FZD6: variants seen among roughly 807,000 people sequenced by gnomAD.
The protein encoded by FZD6 is frizzled class receptor 6.
FZD6 carries 49 observed loss-of-function variants against 61.4 expected under a neutral mutation model. The observed-to-expected ratio is 0.80, with a 90% confidence interval of 0.63 to 1.01. FZD6 has a LOEUF of 1.01. Among genes scored for constraint, FZD6 ranks in the 50% least tolerant of loss-of-function variants. The probability of loss-of-function intolerance (pLI) is 0.00; values close to 1 mark genes in which losing one functional copy is unlikely to be tolerated. For missense variants in FZD6, 724 were observed against 848.2 expected, an observed-to-expected ratio of 0.85 and a Z score of 1.82; for synonymous variants, 265 against 292.2, an observed-to-expected ratio of 0.91 and a Z score of 0.95.
chr8:103,332,121 C>T lies in FZD6; in HGVS notation c.*612C>T, dbSNP rs1286310749. The T allele has an allele frequency of 6.6e-6, 1 of 152,514 alleles. No homozygotes were observed. Among genetic ancestry groups the T allele is most frequent in the Non-Finnish European group, 1.5e-5 (1 of 68,360 alleles). The allele number at this position is 152,514 out of a possible 1,614,324, so 9.4% of individuals were successfully genotyped here. A position where few individuals can be genotyped will look rare whatever the true frequency, so the allele number is the denominator to read the frequency against. On this transcript the variant is annotated 3_prime_UTR_variant, in exon 7 of 7. Coordinates refer to ENST00000358755, the MANE Select transcript of FZD6 (RefSeq NM_003506.4). ...AAAAACCCACTTATTGATACCTTAC[C>T]ATCTAAAATGTGTGATTTTTATAGT...
intron 2 of FZD6, among the ~76,000 whole-genome samples, chr8:103,313,194 G>T (rs545402911): frequency 6.6e-6 from 1 of 152,138 alleles, no homozygotes; most frequent in East Asian, 1.9e-4. Flanking sequence ...TTGTGATAAA[G>T]GAAAATGGTA....
At chr8:103,314,175 A>G (rs1306311581) in intron 2 of FZD6, among the ~76,000 whole-genome samples, 2 of 152,220 alleles carry the variant, frequency 1.3e-5, no homozygotes, top group Admixed American at 6.5e-5. Context: ...TTGTTTTTGT[A>G]TAGCAAAAGT....
At chr8:103,308,275 A>T (rs1423086568) in intron 2 of FZD6, among the ~76,000 whole-genome samples, 1 of 152,104 alleles carries the variant, frequency 6.6e-6, no homozygotes, top group Non-Finnish European at 1.5e-5. Context: ...ATGCAAAAAA[A>T]ATTTTTTTTG....
At chr8:103,315,277 C>G (rs189082458) in intron 2 of FZD6, among the ~76,000 whole-genome samples, 1 of 152,200 alleles carries the variant, frequency 6.6e-6, no homozygotes, top group East Asian at 1.9e-4. Context: ...AATCCATATC[C>G]TTAATTTAAA....
intron 2 of FZD6, among the ~76,000 whole-genome samples, chr8:103,316,417 G>T (rs1814629089): frequency 6.6e-6 from 1 of 152,176 alleles, no homozygotes. Flanking sequence ...TTGTCACATG[G>T]AGAATTTCTC....
rs748806283 is a variant in FZD6 at position 103,318,715 on chromosome 8, A to G, written c.303A>G (p.Lys101=). Residue 101 remains lysine, a synonymous_variant, in exon 3 of 7, where the codon AAA becomes AAG. Transcript: ENST00000358755. Reference sequence around the variant, plus strand: ...CACCTTGTCGTAAACTTTGTGAGAAAGTATATTCTGATTGCAAAAAATTAA... The same window carrying G: ...CACCTTGTCGTAAACTTTGTGAGAAGGTATATTCTGATTGCAAAAAATTAA... ...VVPPCRKLCE[K]VYSDCKKLID... is the part of the protein sequence containing the mutation. 3.1e-6 allele frequency: 5 copies of G among 1,610,784 alleles called. No homozygotes were observed. The highest frequency in any genetic ancestry group is 1.1e-5 in the South Asian group (1 of 91,008).
intron 3 of FZD6, among the ~76,000 whole-genome samples, chr8:103,322,947 A>C (rs1323906555): frequency 1.1e-4 from 16 of 152,200 alleles, no homozygotes; most frequent in Admixed American, 1.0e-3. Context: ...ATGATTAGTA[A>C]ATTGTGATGT....
Position 103,324,477 on chromosome 8 carries a change from A to T in FZD6, c.375-4A>T. On this transcript the variant is annotated splice_polypyrimidine_tract_variant and splice_region_variant and intron_variant, in intron 3 of 6. Coordinates refer to ENST00000358755, the MANE Select transcript of FZD6 (RefSeq NM_003506.4). ...CATATATTTAATTTTTATAATCTTTACAGATTACAATACTGTGATGAGACT... is the reference window on the plus strand; with the variant it reads ...CATATATTTAATTTTTATAATCTTTTCAGATTACAATACTGTGATGAGACT... 6.6e-7 allele frequency: 1 copy of T among 1,504,712 alleles called. No individual in the cohort carries two copies. Among genetic ancestry groups the T allele is most frequent in the Non-Finnish European group, 9.2e-7 (1 of 1,088,788 alleles). The allele number at this position is 1,504,712 out of a possible 1,614,324, so 93.2% of individuals were successfully genotyped here. A position where few individuals can be genotyped will look rare whatever the true frequency, so the allele number is the denominator to read the frequency against.
At chr8:103,316,007 A>C (rs1814614941) in intron 2 of FZD6, among the ~76,000 whole-genome samples, 1 of 152,180 alleles carries the variant, frequency 6.6e-6, no homozygotes, top group Admixed American at 6.5e-5. Flanking sequence ...CTTTCCTATT[A>C]GGGTAATTGA....
At chr8:103,327,777 A>C (rs779051592) in intron 4 of FZD6, among the ~76,000 whole-genome samples, 16 of 152,066 alleles carry the variant, frequency 1.1e-4, no homozygotes, top group Non-Finnish European at 2.2e-4. Flanking sequence ...AAAAAGTATA[A>C]TTTCAATTCT....
intron 3 of FZD6, among the ~76,000 whole-genome samples, chr8:103,319,585 G>A (rs1484010344): frequency 1.3e-5 from 2 of 152,200 alleles, no homozygotes; most frequent in South Asian, 2.1e-4. Context: ...GTGGATGGGA[G>A]AGAGAAGGTA....
intron 6 of FZD6, 22 bp downstream of exon 6, chr8:103,330,087 AATC>A: frequency 6.3e-7 from 1 of 1,595,672 alleles, no homozygotes; most frequent in Non-Finnish European, 8.6e-7. Flanking sequence ...TTTTATGTAA[AATC>A]ATCACTATTT....
At chr8:103,307,755 C>T (rs1184827165) in intron 2 of FZD6, 1 of 455,414 alleles carries the variant, frequency 2.2e-6, no homozygotes, top group African/African-American at 2.0e-5. Flanking sequence ...TCTTAGGGTA[C>T]CCAGACTGGT....
chr8:103,307,130 A>G, intron 2 of FZD6, among the ~76,000 whole-genome samples: 1 of 152,212 alleles, frequency 6.6e-6, no homozygotes, highest in East Asian at 1.9e-4. Flanking sequence ...AGGCACTGCC[A>G]AGATACTGCC....
At chr8:103,320,184 G>A (rs892762934) in intron 3 of FZD6, among the ~76,000 whole-genome samples, 1 of 152,216 alleles carries the variant, frequency 6.6e-6, no homozygotes, top group African/African-American at 2.4e-5. Context: ...CATAGTAAGA[G>A]TCAAGGAGGT....
rs146157913 is a variant in FZD6, at chr8:103,301,171, G to T, written c.177+887G>T. 3.3e-3 allele frequency among the ~76,000 whole-genome samples: 497 copies of T among 152,200 alleles called. 3 individuals are homozygous for T. Among genetic ancestry groups the T allele is most frequent in the African/African-American group, 0.011 (477 of 41,516 alleles). ...TGATTAGATTTGATTTTGCAGCTTT[G>T]AAAGTTTTCTATTGTTGTTCAGTTG... On this transcript the variant is annotated intron_variant, in intron 2 of 6. Coordinates refer to ENST00000358755, the MANE Select transcript of FZD6 (RefSeq NM_003506.4).
At chr8:103,306,428 C>CT (rs1213336663) in intron 2 of FZD6, among the ~76,000 whole-genome samples, 3 of 149,306 alleles carry the variant, frequency 2.0e-5, no homozygotes. Flanking sequence ...CCAGTGAAGT[C>CT]TAACTGAAAA....
intron 2 of FZD6, among the ~76,000 whole-genome samples, chr8:103,306,659 A>T (rs1227068198): frequency 4.0e-5 from 6 of 151,114 alleles, no homozygotes; most frequent in African/African-American, 1.2e-4. Context: ...CCCGTCACCA[A>T]GCCCGGCTAA....
chr8:103,309,749 A>C (rs1330535236), intron 2 of FZD6, among the ~76,000 whole-genome samples: 1 of 152,036 alleles, frequency 6.6e-6, no homozygotes, highest in Non-Finnish European at 1.5e-5. Context: ...TTATCATCTT[A>C]CCTCCAAAAG....
Sources: allele counts gnomAD v4.1 joint callset (sites outside exome capture counted in the v4.1 genomes callset), GRCh38; gene constraint gnomAD v4.1.1; transcripts MANE v1.5; gene names NCBI Gene and HGNC (gene_info 2026-07-23, HGNC 2026-07-21).